TENM3: variants seen among roughly 807,000 people sequenced by gnomAD.
The protein encoded by TENM3 is teneurin transmembrane protein 3, also known as teneurin-3.
Under a neutral mutation model 255.1 loss-of-function variants are expected in TENM3, and 63 were observed. The observed-to-expected ratio is 0.25, with a 90% CI of 0.20 to 0.30. The LOEUF is 0.30. Among genes scored for constraint, TENM3 ranks in the 10% least tolerant of loss-of-function variants. The pLI, the probability that TENM3 is intolerant of heterozygous loss-of-function variation, is 1.00. For missense variants in TENM3, 2,929 were observed against 3,461.1 expected (o/e 0.85, Z 3.86); for synonymous variants, 1,306 against 1,322.3 (o/e 0.99, Z 0.27).
At chr4:181,489,857 A>T in the TENM3 span, among the ~76,000 whole-genome samples, 1 of 152,178 alleles carries the variant, frequency 6.6e-6, no homozygotes, top group Non-Finnish European at 1.5e-5. Context: ...ATCCATCAGG[A>T]TATATTTTTA....
At chr4:182,151,691 G>A (rs962267954) in intron 1 of TENM3, among the ~76,000 whole-genome samples, 11 of 151,546 alleles carry the variant, frequency 7.3e-5, no homozygotes, top group Middle Eastern at 3.2e-3. Context: ...ACAAAAAAAC[G>A]AAGAAACAAA....
At chr4:182,367,710 T>C (rs1766525579) in intron 3 of TENM3, among the ~76,000 whole-genome samples, 1 of 152,118 alleles carries the variant, frequency 6.6e-6, no homozygotes, top group African/African-American at 2.4e-5. Context: ...CACAATTACA[T>C]AAAGTCATAT....
At chr4:181,603,495 G>T in the TENM3 span, among the ~76,000 whole-genome samples, 1 of 152,122 alleles carries the variant, frequency 6.6e-6, no homozygotes, top group African/African-American at 2.4e-5. Context: ...GCACTTTCCA[G>T]GGCTTTCTAA....
Position 182,755,257 on chromosome 4 carries a change from T to G in TENM3, c.4890T>G (p.Phe1630Leu). 1 of 1,588,732 alleles carries G rather than the reference T, an allele frequency of 6.3e-7. No individual in the cohort carries two copies. The highest frequency in any genetic ancestry group is 8.5e-7 in the Non-Finnish European group (1 of 1,173,648). Residue 1630 changes from phenylalanine to leucine, a missense_variant and splice_region_variant, in exon 22 of 28, where the codon TTT (phenylalanine) becomes TTG (leucine). Physicochemically the swap from Phe to Leu is conservative, Grantham distance 22 (BLOSUM62 0). Transcript: ENST00000511685. ...KSDETGWTTF[F>L]DYDSEGRLTN... ...ATGAAACTGGATGGACAACGTTTTT[T>G]GAGTAAGTATATGAAAATTCTACTC... is the stretch of plus-strand genomic sequence containing the variant.
chr4:181,634,318 A>C, the TENM3 span, among the ~76,000 whole-genome samples: 1 of 152,126 alleles, frequency 6.6e-6, no homozygotes, highest in Non-Finnish European at 1.5e-5. Context: ...CGTTTGAAAA[A>C]AATTCAGCCT....
At chr4:182,301,006 TA>T (rs1250870983) in intron 1 of TENM3, among the ~76,000 whole-genome samples, 1 of 152,236 alleles carries the variant, frequency 6.6e-6, no homozygotes, top group Non-Finnish European at 1.5e-5. Context: ...ATTTGAATTT[TA>T]AAGCTCTCCT....
chr4:181,794,022 A>G, the TENM3 span, among the ~76,000 whole-genome samples: 1 of 152,166 alleles, frequency 6.6e-6, no homozygotes, highest in African/African-American at 2.4e-5. Flanking sequence ...TTGATTTAAG[A>G]TAAGTACAAA....
At chr4:182,481,479 T>TA (rs1561492830) in intron 3 of TENM3, among the ~76,000 whole-genome samples, 4 of 152,146 alleles carry the variant, frequency 2.6e-5, no homozygotes, top group African/African-American at 9.7e-5. Flanking sequence ...GAGATTTTTT[T>TA]AAAATTATTT....
intron 3 of TENM3, among the ~76,000 whole-genome samples, chr4:182,534,198 C>T (rs1740052435): frequency 6.6e-6 from 1 of 152,120 alleles, no homozygotes; most frequent in African/African-American, 2.4e-5. Context: ...TTCAGAGGAA[C>T]ATGCCCAGCT....
chr4:181,766,872 AT>A, the TENM3 span, among the ~76,000 whole-genome samples: 1 of 152,182 alleles, frequency 6.6e-6, no homozygotes, highest in Non-Finnish European at 1.5e-5. Context: ...GCAGAAGAGA[AT>A]TGTTAACACA....
the TENM3 span, among the ~76,000 whole-genome samples, chr4:182,019,275 C>A: frequency 2.6e-5 from 4 of 152,136 alleles, no homozygotes; most frequent in Admixed American, 2.6e-4. Context: ...ACATCAAGCC[C>A]CCTCTGAGTC....
intron 3 of TENM3, among the ~76,000 whole-genome samples, chr4:182,599,914 GGTAAAATGTAGTCTTC>G (rs1306518372): frequency 6.6e-6 from 1 of 152,116 alleles, no homozygotes; most frequent in Non-Finnish European, 1.5e-5. Context: ...CTATCTGTTT[GGTAAAATGTAGTCTTC>G]GTAAATTCTA....
chr4:182,213,824 C>G (rs765867098), intron 1 of TENM3, among the ~76,000 whole-genome samples: 1 of 152,060 alleles, frequency 6.6e-6, no homozygotes, highest in Non-Finnish European at 1.5e-5. Flanking sequence ...TTTTTTGAGA[C>G]AGAGTCTCCC....
the TENM3 span, among the ~76,000 whole-genome samples, chr4:181,890,643 ATT>A: frequency 0.017 from 2,544 of 152,238 alleles, 65 homozygotes; most frequent in African/African-American, 0.057. Context: ...CCCCCACTCT[ATT>A]ATTAGAATGA....
chr4:182,728,840 A>T, intron 13 of TENM3, 125 bp from the exon 14 acceptor site: 1 of 704,214 alleles, frequency 1.4e-6, no homozygotes, highest in Non-Finnish European at 2.4e-6. Context: ...CATAGAAATT[A>T]CTATCAGATA....
the TENM3 span, among the ~76,000 whole-genome samples, chr4:181,642,363 G>A: frequency 6.6e-6 from 1 of 152,008 alleles, no homozygotes; most frequent in African/African-American, 2.4e-5. Context: ...TGTAGATTCT[G>A]GATGTTATCC....
chr4:182,089,538 A>G, the TENM3 span, among the ~76,000 whole-genome samples: 1 of 152,186 alleles, frequency 6.6e-6, no homozygotes, highest in Non-Finnish European at 1.5e-5. Context: ...ACAATAATTA[A>G]CAAGAGGCTA....
the TENM3 span, among the ~76,000 whole-genome samples, chr4:181,467,080 TGTGC>T: frequency 0.043 from 1,256 of 29,164 alleles, 55 homozygotes; most frequent in African/African-American, 0.13. Context: ...TGTGTGTGTG[TGTGC>T]GTGTGTGTGT....
chr4:182,705,249 T>C (rs1758186334), intron 12 of TENM3, among the ~76,000 whole-genome samples: 1 of 152,222 alleles, frequency 6.6e-6, no homozygotes, highest in African/African-American at 2.4e-5. Context: ...CTTACAACTT[T>C]AATGAGGTAC....
Sources: gnomAD v4.1 joint callset for allele counts (sites outside exome capture counted in the v4.1 genomes callset) on GRCh38, gnomAD v4.1.1 for gene constraint, MANE v1.5 for transcripts, NCBI Gene and HGNC (gene_info 2026-07-23, HGNC 2026-07-21) for gene names.